Variants in EIF2AK2 observed in about 807,000 individuals in gnomAD.
The protein encoded by EIF2AK2 is interferon-induced, double-stranded RNA-activated protein kinase.
In EIF2AK2, 40 loss-of-function variants were observed where a neutral mutation model predicts 70.5. The ratio of observed to expected loss-of-function variants is 0.57; its 90% CI spans 0.44 to 0.74. EIF2AK2 has a LOEUF of 0.74. Ranked by LOEUF, EIF2AK2 falls within the 30% of genes least tolerant of loss-of-function variation. The pLI is 0.00. For missense variants in EIF2AK2, 555 were observed against 644.3 expected (o/e 0.86, Z 1.50); for synonymous variants, 198 against 220.9 (o/e 0.90, Z 0.92).
In EIF2AK2 at chr2:37,145,783, A is replaced by T. The variant is rs1675516512; in HGVS notation, c.240+1070T>A. On this transcript the variant is annotated intron_variant, in intron 4 of 16. Coordinates refer to ENST00000233057, the MANE Select transcript of EIF2AK2 (RefSeq NM_001135651.3). ...TTTTTTTTTTTTTTTTTTTTTTTTGAGATAGGATCCCCAGGCTGGAGTGCA... is the reference window on the plus strand; with the variant it reads ...TTTTTTTTTTTTTTTTTTTTTTTTGTGATAGGATCCCCAGGCTGGAGTGCA... Among the ~76,000 whole-genome samples, 6 of 63,214 alleles carry T rather than the reference A, an allele frequency of 9.5e-5. No individual in the cohort carries two copies. The East Asian group carries it at 1.7e-3, about 18-fold the overall frequency. The allele number at this position is 63,214 out of a possible 152,430, so 41.5% of individuals were successfully genotyped here.
chr2:37,134,776 AC>A (rs1183476147), intron 10 of EIF2AK2, among the ~76,000 whole-genome samples: 9 of 151,062 alleles, frequency 6.0e-5, no homozygotes, highest in Non-Finnish European at 1.2e-4. Flanking sequence ...TGTGAGTGGC[AC>A]CAACACATAT....
chr2:37,137,532 C>G (rs1675169906), intron 8 of EIF2AK2, among the ~76,000 whole-genome samples: 1 of 152,228 alleles, frequency 6.6e-6, no homozygotes. Flanking sequence ...TGGTCTCAAA[C>G]TCCTGGGCTA....
In EIF2AK2 at chr2:37,122,522, T is replaced by A. The variant is rs1368416925; in HGVS notation, c.1051A>T (p.Ser351Cys). 1.2e-6 allele frequency: 2 copies of A among 1,611,378 alleles called. No individual in the cohort carries two copies. The highest frequency in any genetic ancestry group is 3.4e-5 in the Admixed American group (2 of 59,078). Residue 351 changes from serine (S) to cysteine (C), a missense_variant, in exon 12 of 17, where the codon AGC (serine) becomes TGC (cysteine). Ser to Cys is a moderately radical substitution (Grantham distance 112, BLOSUM62 -1). This residue lies in a region of EIF2AK2 where 299 missense variants were observed against 375.4 expected (regional missense o/e 0.80). Coordinates refer to ENST00000233057, the MANE Select transcript of EIF2AK2 (RefSeq NM_001135651.3). ...TTTAGTTACCTTGAACTATTTTTGC[T>A]GTTCTCAGGATCATAATCACTGCTC... ...LESSDYDPEN[S>C]KNSSRSKTKC...
intron 13 of EIF2AK2, among the ~76,000 whole-genome samples, chr2:37,117,867 T>G (rs1674399899): frequency 6.6e-6 from 1 of 152,226 alleles, no homozygotes; most frequent in Non-Finnish European, 1.5e-5. Context: ...TAAAGACCAT[T>G]CTCTGGCAAA....
chr2:37,130,545 C>A (rs1368142021), intron 10 of EIF2AK2, among the ~76,000 whole-genome samples: 1 of 152,224 alleles, frequency 6.6e-6, no homozygotes, highest in Admixed American at 6.5e-5. Context: ...TTGTCCCAAA[C>A]CCCTATATCC....
At chr2:37,121,395 C>A (rs1031081279) in intron 12 of EIF2AK2, among the ~76,000 whole-genome samples, 1 of 150,938 alleles carries the variant, frequency 6.6e-6, no homozygotes, top group Admixed American at 6.6e-5. Flanking sequence ...AACTAAATTT[C>A]ATTATTATAT....
chr2:37,128,431 G>A (rs1674820199), intron 10 of EIF2AK2, among the ~76,000 whole-genome samples: 1 of 152,038 alleles, frequency 6.6e-6, no homozygotes. Context: ...TTAATAACTT[G>A]TATAGATGTC....
In EIF2AK2 at chr2:37,119,979, A is replaced by AT; in HGVS notation, c.1227dup (p.Leu410IlefsTer4). On this transcript the variant is annotated frameshift_variant, in exon 13 of 17. Coordinates refer to ENST00000233057, the MANE Select transcript of EIF2AK2 (RefSeq NM_001135651.3). LOFTEE classifies it high-confidence loss of function. ...CTTACCTTAAGATCTCTATGAATTA[A>AT]TTTTTTTGAATGTATATAATCCACC... 2.1e-6 allele frequency: 3 copies of AT among 1,460,138 alleles called. No homozygotes were observed. Among genetic ancestry groups the AT allele is most frequent in the South Asian group, 1.6e-5 (1 of 62,578 alleles). 90.4% of individuals were successfully genotyped at this position (1,460,138 alleles called of 1,614,324 possible). A position where few individuals can be genotyped will look rare whatever the true frequency, so the allele number is the denominator to read the frequency against.
chr2:37,116,548 G>A (rs1207058625), intron 13 of EIF2AK2, among the ~76,000 whole-genome samples: 2 of 152,202 alleles, frequency 1.3e-5, no homozygotes, highest in Non-Finnish European at 2.9e-5. Flanking sequence ...GACCTAAGAG[G>A]GAAGAGACCA....
intron 11 of EIF2AK2, among the ~76,000 whole-genome samples, chr2:37,124,553 C>G (rs964087035): frequency 6.6e-6 from 1 of 151,780 alleles, no homozygotes; most frequent in Non-Finnish European, 1.5e-5. Context: ...GCCACCATGC[C>G]TGGCCCAGCC....
In EIF2AK2 at chr2:37,120,047, T is replaced by C; in HGVS notation, c.1160A>G (p.Asp387Gly). 1 of 1,568,418 alleles carries C rather than the reference T, an allele frequency of 6.4e-7. No individual in the cohort carries two copies. The highest frequency in any genetic ancestry group is 1.2e-5 in the South Asian group (1 of 84,262). Residue 387 changes from aspartate (D) to glycine (G), a missense_variant, in exon 13 of 17, where the codon GAC becomes GGC. By Grantham distance (94) the Asp-to-Gly change is moderately conservative (BLOSUM62 -1). Coordinates refer to ENST00000233057, the MANE Select transcript of EIF2AK2 (RefSeq NM_001135651.3). ...WIEKRRGEKLDKVLALELFEQ... is the reference protein window; with the variant it reads ...WIEKRRGEKLGKVLALELFEQ... ...AAAGAGTTCCAAAGCCAAAACTTTG[T>C]CTAGTTTCTCGCCTCTTCTTTTTTC...
At position 37,099,275 on chromosome 2, in the gene EIF2AK2, AAATG is replaced by A. The variant is rs1673764616; in HGVS notation, c.*7994_*7997del. The A allele has an allele frequency of 6.6e-6, 1 of 152,246 alleles. No individual in the cohort carries two copies. The highest frequency in any genetic ancestry group is 6.5e-5 in the Admixed American group (1 of 15,284). The allele number at this position is 152,246 out of a possible 1,614,324, so 9.4% of individuals were successfully genotyped here. A position where few individuals can be genotyped will look rare whatever the true frequency, so the allele number is the denominator to read the frequency against. On this transcript the variant is annotated 3_prime_UTR_variant, in exon 17 of 17. Transcript: ENST00000233057. ...TAAACATTTAATTGTTGAGATTTGA[AAATG>A]AACATTATTATTTATTAGACACATT...
intron 13 of EIF2AK2, among the ~76,000 whole-genome samples, chr2:37,119,745 C>T (rs1674470552): frequency 6.6e-6 from 1 of 151,560 alleles, no homozygotes; most frequent in Admixed American, 6.6e-5. Flanking sequence ...GCGCACGCCA[C>T]CATGCCCAGC....
At position 37,139,729 on chromosome 2, in the gene EIF2AK2, T is replaced by G. The variant is rs905469417; in HGVS notation, c.418A>C (p.Lys140Gln). Residue 140 changes from lysine to glutamine, a missense_variant, in exon 6 of 17, where the codon AAA (lysine) becomes CAA (glutamine). By Grantham distance (53) the Lys-to-Gln change is moderately conservative. Transcript: ENST00000233057. Reference sequence around the variant, plus strand: ...GAACCTGTACCAATACTATATTCTTTCTGTCCCATTTTGCATTTATAATGA... The same window carrying G: ...GAACCTGTACCAATACTATATTCTTGCTGTCCCATTTTGCATTTATAATGA... ...GFHYKCKMGQ[K>Q]EYSIGTGSTK... The G allele has an allele frequency of 1.9e-6, 3 of 1,612,220 alleles. No homozygotes were observed. The highest frequency in any genetic ancestry group is 2.2e-5 in the East Asian group (1 of 44,810).
intron 10 of EIF2AK2, among the ~76,000 whole-genome samples, chr2:37,134,893 T>A (rs1400900182): frequency 6.6e-6 from 1 of 152,138 alleles, no homozygotes; most frequent in Admixed American, 6.5e-5. Flanking sequence ...ATCCATCCAA[T>A]ACGTTAGGAA....
chr2:37,154,449 A>T (rs1441221563), intron 1 of EIF2AK2, among the ~76,000 whole-genome samples: 3 of 152,212 alleles, frequency 2.0e-5, no homozygotes, highest in African/African-American at 7.2e-5. Context: ...TAAATCCAGT[A>T]GTCAGTTCTT....
chr2:37,115,490 G>A (rs1674310958), intron 13 of EIF2AK2, among the ~76,000 whole-genome samples: 2 of 152,084 alleles, frequency 1.3e-5, no homozygotes, highest in Non-Finnish European at 1.5e-5. Context: ...CAGGACTATA[G>A]GGTGGAAATG....
chr2:37,115,519 A>C (rs958578650), intron 13 of EIF2AK2, among the ~76,000 whole-genome samples: 1 of 152,172 alleles, frequency 6.6e-6, no homozygotes, highest in Non-Finnish European at 1.5e-5. Flanking sequence ...ATTAGCTTTA[A>C]AATATCCTAA....
At chr2:37,132,963 A>G (rs1346012761) in intron 10 of EIF2AK2, among the ~76,000 whole-genome samples, 5 of 152,172 alleles carry the variant, frequency 3.3e-5, no homozygotes, top group African/African-American at 1.2e-4. Flanking sequence ...CTCCAAATTA[A>G]TAACAGAAAT....
Sources: gnomAD v4.1 joint callset for allele counts (sites outside exome capture counted in the v4.1 genomes callset) on GRCh38, gnomAD v4.1.1 for gene constraint, gnomAD v4.1.1 regional missense constraint, MANE v1.5 for transcripts, NCBI Gene and HGNC (gene_info 2026-07-23, HGNC 2026-07-21) for gene names.